SLC35E1: variants seen among roughly 807,000 people sequenced by gnomAD.
SLC35E1 encodes the protein solute carrier family 35, member E1.
SLC35E1 carries 12 observed loss-of-function variants against 31.0 expected under a neutral mutation model. The ratio of observed to expected loss-of-function variants is 0.39; its 90% confidence interval spans 0.25 to 0.63. The LOEUF (loss-of-function observed/expected upper bound fraction) is 0.63. SLC35E1 is among the 20% of genes least tolerant of loss of function. The pLI, the probability that SLC35E1 is intolerant of heterozygous loss-of-function variation, is 0.52. For synonymous variants in SLC35E1, 257 were observed against 264.1 expected (o/e 0.97, Z 0.26); for missense variants, 429 against 572.2 (o/e 0.75, Z 2.55).
At chr19:16,565,264 G>A (rs1482903790) in intron 4 of SLC35E1, 32 of 385,552 alleles carry the variant, frequency 8.3e-5, no homozygotes, top group Non-Finnish European at 1.6e-4. Context: ...AGGCTGGAGT[G>A]CAGTGGTGCG....
Position 16,553,776 on chromosome 19 carries a change from TC to T in SLC35E1, c.1135del (p.Asp379ThrfsTer10), listed in dbSNP as rs1568270528. The T allele has an allele frequency of 6.2e-7, 1 of 1,613,634 alleles. No homozygotes were observed. Among genetic ancestry groups the T allele is most frequent in the Non-Finnish European group, 8.5e-7 (1 of 1,179,752 alleles). On this transcript the variant is annotated frameshift_variant, in exon 6 of 6. Coordinates refer to ENST00000595753, the MANE Select transcript of SLC35E1 (RefSeq NM_024881.5). LOFTEE classifies it high-confidence loss of function. ...HNGLLFPQHG[D>X]YQYGRNNILT... ...GATGTTGTTGCGGCCGTACTGATAGTCCCCGTGCTGGGGGAAGAGGAGGCCG... is the reference window on the plus strand; with the variant it reads ...GATGTTGTTGCGGCCGTACTGATAGTCCCGTGCTGGGGGAAGAGGAGGCCG...
At chr19:16,568,350 G>C (rs1222559180) in intron 2 of SLC35E1, among the ~76,000 whole-genome samples, 181 bp from the exon 3 acceptor site, 1 of 152,154 alleles carries the variant, frequency 6.6e-6, no homozygotes. Flanking sequence ...GTGGTTATCA[G>C]AGCGCCAGGG....
intron 2 of SLC35E1, among the ~76,000 whole-genome samples, chr19:16,569,312 C>T (rs1002697289): frequency 4.6e-5 from 7 of 152,146 alleles, no homozygotes; most frequent in African/African-American, 7.2e-5. Flanking sequence ...CGTGGGCCAC[C>T]GTGCCCAGCC....
chr19:16,566,485 T>C (rs1381125658), intron 4 of SLC35E1, 47 bp downstream of exon 4: 3 of 1,610,010 alleles, frequency 1.9e-6, no homozygotes, highest in Non-Finnish European at 8.5e-7. Flanking sequence ...GCACCTATTC[T>C]GGAACTAGCC....
rs781026728 is a variant in SLC35E1, at chr19:16,572,169, T to C, written c.196A>G (p.Ile66Val). 67 of 1,530,714 alleles carry C rather than the reference T, an allele frequency of 4.4e-5. No individual in the cohort carries two copies. Among genetic ancestry groups the C allele is most frequent in the Non-Finnish European group, 5.8e-5 (66 of 1,138,334 alleles). The allele number at this position is 1,530,714 out of a possible 1,614,324, so 94.8% of individuals were successfully genotyped here. Residue 66 changes from isoleucine to valine, a missense_variant, in exon 1 of 6, where the codon ATC (isoleucine) becomes GTC (valine). Transcript: ENST00000595753. This position sits in a 1 kb window ranked among gnomAD's most constrained non-coding sequence, Gnocchi z 4.1. ...PFPVTVSLCH[I>V]LALCAGLPPL... The stretch of plus-strand genomic sequence containing the variant: ...GGGAGCCCAGCGCACAGAGCCAGGA[T>C]GTGGCACAGCGACACGGTCACCGGG...
chr19:16,558,299 C>G (rs1357017045), intron 4 of SLC35E1, among the ~76,000 whole-genome samples: 1 of 151,952 alleles, frequency 6.6e-6, no homozygotes, highest in Non-Finnish European at 1.5e-5. Flanking sequence ...CCACCTTGGC[C>G]TCCCAAAGTG....
chr19:16,555,550 G>A lies in SLC35E1; in HGVS notation c.757-153C>T. 1 of 998,638 alleles carries A rather than the reference G, an allele frequency of 1.0e-6. No homozygotes were observed. The highest frequency in any genetic ancestry group is 1.4e-6 in the Non-Finnish European group (1 of 698,388). 61.9% of individuals were successfully genotyped at this position (998,638 alleles called of 1,614,324 possible). A position where few individuals can be genotyped will look rare whatever the true frequency, so the allele number is the denominator to read the frequency against. ...AGCCAGTCCAGATGTGTCACCAAGAGACACTAGGTGCTTTAGGTCCATGAC... is the reference window on the plus strand; with the variant it reads ...AGCCAGTCCAGATGTGTCACCAAGAAACACTAGGTGCTTTAGGTCCATGAC... On this transcript the variant is annotated intron_variant, in intron 4 of 5. Coordinates refer to ENST00000595753, the MANE Select transcript of SLC35E1 (RefSeq NM_024881.5). The surrounding 1 kb of genome is among the most constrained non-coding windows in gnomAD (Gnocchi z 4.1).
chr19:16,562,239 A>C (rs2085910226), intron 4 of SLC35E1, among the ~76,000 whole-genome samples: 1 of 152,232 alleles, frequency 6.6e-6, no homozygotes, highest in South Asian at 2.1e-4. Context: ...TACATACTCT[A>C]ATGAGCTGTA....
intron 4 of SLC35E1, chr19:16,556,975 C>T (rs1269507910): frequency 6.4e-6 from 3 of 471,226 alleles, no homozygotes; most frequent in East Asian, 6.9e-5. Flanking sequence ...AGGAATAGCC[C>T]CTGTAATATA....
In SLC35E1 at chr19:16,566,541, G is replaced by A. The variant is rs1160681427; in HGVS notation, c.747C>T (p.Ser249=). 1.1e-5 allele frequency: 18 copies of A among 1,612,734 alleles called. No individual in the cohort carries two copies. Among genetic ancestry groups the A allele is most frequent in the Non-Finnish European group, 1.5e-5 (18 of 1,180,026 alleles). The change falls in exon 4 of 6, where the codon AGC becomes AGT. Residue 249 remains serine, a synonymous_variant. Transcript: ENST00000595753. The part of the protein sequence containing the change: ...VLVDLSAFLV[S]SDLTYVYQWP... The stretch of plus-strand genomic sequence containing the variant: ...GTGCTGTACAACTCACCAAGTCGCT[G>A]CTGACCAGGAAAGCCGAGAGGTCCA...
Position 16,566,526 on chromosome 19 carries a change from A to G in SLC35E1, c.756+6T>C. ...AATGGCGTGTTCTTGGTGCTGTACAACTCACCAAGTCGCTGCTGACCAGGA... is the reference window on the plus strand; with the variant it reads ...AATGGCGTGTTCTTGGTGCTGTACAGCTCACCAAGTCGCTGCTGACCAGGA... On this transcript the variant is annotated splice_donor_region_variant and intron_variant, in intron 4 of 5. Coordinates refer to ENST00000595753, the MANE Select transcript of SLC35E1 (RefSeq NM_024881.5). 1 of 1,612,566 alleles carries G rather than the reference A, an allele frequency of 6.2e-7. No homozygotes were observed. Among genetic ancestry groups the G allele is most frequent in the Non-Finnish European group, 8.5e-7 (1 of 1,180,004 alleles).
chr19:16,567,214 T>G (rs1248467062), intron 3 of SLC35E1, among the ~76,000 whole-genome samples: 1 of 152,210 alleles, frequency 6.6e-6, no homozygotes, highest in Non-Finnish European at 1.5e-5. Context: ...GGGGTCTCAC[T>G]CTATTCCTAT....
In SLC35E1 at chr19:16,553,898, A is replaced by T. The variant is rs747605523; in HGVS notation, c.1014T>A (p.Asp338Glu). The change falls in exon 6 of 6, where the codon GAT (aspartate) becomes GAA (glutamate). Residue 338 changes from aspartate to glutamate, a missense_variant. Coordinates refer to ENST00000595753, the MANE Select transcript of SLC35E1 (RefSeq NM_024881.5). ...GGTGCTTCCTGGCTTGCTGGTTTGC[A>T]TCGTACTTGGTCTGTGCCAGAAAGA... ...GVFLYNKTKY[D>E]ANQQARKHLL... 3 of 1,608,662 alleles carry T rather than the reference A, an allele frequency of 1.9e-6. No homozygotes were observed. The South Asian group carries it at 3.3e-5, about 18-fold the overall frequency.
At chr19:16,568,623 C>T (rs570507431) in intron 2 of SLC35E1, among the ~76,000 whole-genome samples, 24 of 152,276 alleles carry the variant, frequency 1.6e-4, no homozygotes, top group East Asian at 3.9e-4. Context: ...CTCTGCTTCC[C>T]GGGTTCAAGC....
chr19:16,553,494 G>A lies in SLC35E1; in HGVS notation c.*185C>T, dbSNP rs1460037731. 8.8e-6 allele frequency: 4 copies of A among 454,594 alleles called. No homozygotes were observed. The highest frequency in any genetic ancestry group is 7.4e-5 in the South Asian group (1 of 13,506). 28.2% of individuals were successfully genotyped at this position (454,594 alleles called of 1,614,324 possible). A position where few individuals can be genotyped will look rare whatever the true frequency, so the allele number is the denominator to read the frequency against. ...TTAGGTTTGCCCAGAGCTCACGGCC[G>A]TCTGCACTGCAGGCAACGCATCCTC... On this transcript the variant is annotated 3_prime_UTR_variant, in exon 6 of 6. Coordinates refer to ENST00000595753, the MANE Select transcript of SLC35E1 (RefSeq NM_024881.5).
chr19:16,568,651 C>T (rs1273344265), intron 2 of SLC35E1, among the ~76,000 whole-genome samples: 1 of 152,070 alleles, frequency 6.6e-6, no homozygotes, highest in Non-Finnish European at 1.5e-5. Context: ...CTGCCTCAGA[C>T]TCCCCAGTAG....
chr19:16,553,630 TG>T lies in SLC35E1; in HGVS notation c.*48del. On this transcript the variant is annotated 3_prime_UTR_variant, in exon 6 of 6. Coordinates refer to ENST00000595753, the MANE Select transcript of SLC35E1 (RefSeq NM_024881.5). ...TTGTCAGAAGTTTCTGATACTGCTGTGGGGGCCGGGGAAGGAGTCACCAACA... is the reference window on the plus strand; with the variant it reads ...TTGTCAGAAGTTTCTGATACTGCTGTGGGGCCGGGGAAGGAGTCACCAACA... The T allele has an allele frequency of 7.1e-7, 1 of 1,403,902 alleles. No homozygotes were observed. Among genetic ancestry groups the T allele is most frequent in the Non-Finnish European group, 9.5e-7 (1 of 1,056,292 alleles). The allele number at this position is 1,403,902 out of a possible 1,614,324, so 87.0% of individuals were successfully genotyped here.
chr19:16,570,436 C>T (rs1035884459), intron 2 of SLC35E1, among the ~76,000 whole-genome samples: 3 of 152,196 alleles, frequency 2.0e-5, no homozygotes, highest in Non-Finnish European at 4.4e-5. Context: ...TGCCAGAAAC[C>T]AACCACTTGG....
chr19:16,564,541 A>G (rs568973226), intron 4 of SLC35E1, among the ~76,000 whole-genome samples: 6 of 152,122 alleles, frequency 3.9e-5, no homozygotes, highest in African/African-American at 1.4e-4. Flanking sequence ...CCTGACCTCA[A>G]GTGATCTGCC....
Sources: gnomAD v4.1 joint callset for allele counts (sites outside exome capture counted in the v4.1 genomes callset) on GRCh38, gnomAD v4.1.1 for gene constraint, Gnocchi (gnomAD v3.1) non-coding constraint, MANE v1.5 for transcripts, NCBI Gene and HGNC (gene_info 2026-07-23, HGNC 2026-07-21) for gene names.